Variants in NTM observed in about 807,000 individuals in gnomAD.
NTM encodes the protein neurotrimin.
Under a neutral mutation model 42.1 loss-of-function variants are expected in NTM, and 13 were observed. The ratio of observed to expected loss-of-function variants is 0.31; its 90% confidence interval spans 0.20 to 0.49. The LOEUF (loss-of-function observed/expected upper bound fraction) is 0.49. Among genes scored for constraint, NTM ranks in the 20% least tolerant of loss-of-function variants. NTM has a pLI of 0.99. For synonymous variants in NTM, 187 were observed against 179.2 expected (o/e 1.04, Z -0.35); for missense variants, 373 against 452.8 (o/e 0.82, Z 1.60).
Position 132,154,604 on chromosome 11 carries a change from G to T in NTM, c.400+8090G>T, listed in dbSNP as rs1170634982. ...CATGGTGATGATCATGGCAGAGAGG[G>T]TGAGGATGCTGCCGAGGATGAATGA... On this transcript the variant is annotated intron_variant, in intron 3 of 8. Transcript: ENST00000683400. Among the ~76,000 whole-genome samples the T allele has an allele frequency of 2.0e-5, 3 of 152,310 alleles. No homozygotes were observed. In the East Asian group the frequency reaches 5.8e-4, roughly 29 times the overall value.
intron 4 of NTM, among the ~76,000 whole-genome samples, chr11:132,305,059 A>C (rs1410430329): frequency 1.3e-5 from 2 of 152,298 alleles, no homozygotes; most frequent in Non-Finnish European, 2.9e-5. Context: ...TGTGGCACCC[A>C]TGTCCCCACA....
intron 7 of NTM, among the ~76,000 whole-genome samples, chr11:132,326,058 C>A (rs1294373439): frequency 6.6e-6 from 1 of 151,958 alleles, no homozygotes; most frequent in African/African-American, 2.4e-5. Context: ...AGGATATATA[C>A]CTAATGCTAA....
At chr11:131,512,008 G>A (rs534891850) in intron 1 of NTM, among the ~76,000 whole-genome samples, 35 of 152,200 alleles carry the variant, frequency 2.3e-4, no homozygotes, top group African/African-American at 7.7e-4. Context: ...TAGACAGATC[G>A]CCACTGATAG....
chr11:131,543,842 A>AC (rs2053592250), intron 1 of NTM, among the ~76,000 whole-genome samples: 1 of 152,202 alleles, frequency 6.6e-6, no homozygotes, highest in Non-Finnish European at 1.5e-5. Context: ...CTTCATCCTT[A>AC]TGGCAGGCAC....
intron 2 of NTM, among the ~76,000 whole-genome samples, chr11:132,048,905 G>A (rs538832776): frequency 7.3e-5 from 11 of 151,386 alleles, no homozygotes; most frequent in African/African-American, 1.5e-4. Flanking sequence ...GTGCTGGATC[G>A]GGGCTTCTGA....
At chr11:132,254,553 G>T (rs78870567) in intron 4 of NTM, among the ~76,000 whole-genome samples, 2,562 of 151,796 alleles carry the variant, frequency 0.017, 58 homozygotes, top group African/African-American at 0.05. Context: ...TCTACCGCTG[G>T]CCTTCCTTTG....
chr11:131,828,710 G>A (rs868752517), intron 1 of NTM, among the ~76,000 whole-genome samples: 1 of 151,992 alleles, frequency 6.6e-6, no homozygotes, highest in Non-Finnish European at 1.5e-5. Context: ...TTCACGGCAC[G>A]TCTCCAAACC....
At chr11:132,252,744 G>A (rs2092089113) in intron 4 of NTM, among the ~76,000 whole-genome samples, 1 of 152,180 alleles carries the variant, frequency 6.6e-6, no homozygotes, top group African/African-American at 2.4e-5. Flanking sequence ...CCGTCCATGT[G>A]CACCATGATT....
intron 3 of NTM, among the ~76,000 whole-genome samples, chr11:132,157,337 T>C (rs988741978): frequency 6.6e-6 from 1 of 152,188 alleles, no homozygotes; most frequent in Non-Finnish European, 1.5e-5. Flanking sequence ...TATTTCTTTT[T>C]AAAAAAAATC....
At chr11:131,614,690 C>T (rs897740546) in intron 1 of NTM, among the ~76,000 whole-genome samples, 14 of 152,224 alleles carry the variant, frequency 9.2e-5, no homozygotes, top group African/African-American at 3.4e-4. Flanking sequence ...TCAAAGGTCC[C>T]CTGAGTTGTA....
intron 1 of NTM, among the ~76,000 whole-genome samples, chr11:131,884,478 G>A (rs1248422267): frequency 1.3e-5 from 2 of 152,156 alleles, no homozygotes; most frequent in Non-Finnish European, 2.9e-5. Flanking sequence ...AATATTCCCA[G>A]GTCTCATAGC....
intron 1 of NTM, among the ~76,000 whole-genome samples, chr11:131,866,074 A>G (rs1183244206): frequency 8.7e-6 from 1 of 115,228 alleles, no homozygotes; most frequent in Non-Finnish European, 2.1e-5. Flanking sequence ...CACCCCACAC[A>G]CTCTCACACA....
At chr11:131,471,453 TA>T (rs1413964287) in intron 1 of NTM, among the ~76,000 whole-genome samples, 1 of 152,164 alleles carries the variant, frequency 6.6e-6, no homozygotes, top group Non-Finnish European at 1.5e-5. Context: ...TCACATGAGT[TA>T]TTTTGTTGTA....
chr11:132,039,983 GGC>G (rs1453005191), intron 2 of NTM, among the ~76,000 whole-genome samples: 2 of 151,938 alleles, frequency 1.3e-5, no homozygotes, highest in Non-Finnish European at 2.9e-5. Context: ...GGAGTGCAGT[GGC>G]GTGATCTTGG....
chr11:131,483,671 A>G (rs1466087523), intron 1 of NTM, among the ~76,000 whole-genome samples: 1 of 144,984 alleles, frequency 6.9e-6, no homozygotes, highest in Non-Finnish European at 1.5e-5. Flanking sequence ...TGGGGGAGTG[A>G]GAAAACCAGC....
At chr11:131,663,082 T>C (rs1419889895) in intron 1 of NTM, 1 of 152,134 alleles carries the variant, frequency 6.6e-6, no homozygotes, top group Non-Finnish European at 1.5e-5. Flanking sequence ...GACAAAGGTG[T>C]AGTGTTTACA....
At chr11:131,824,986 A>G (rs1335006733) in intron 1 of NTM, among the ~76,000 whole-genome samples, 1 of 152,166 alleles carries the variant, frequency 6.6e-6, no homozygotes, top group Non-Finnish European at 1.5e-5. Context: ...TGCGAAATGG[A>G]TGGACTACAA....
chr11:132,205,438 T>C (rs1425366557), intron 3 of NTM, among the ~76,000 whole-genome samples: 1 of 152,236 alleles, frequency 6.6e-6, no homozygotes, highest in Non-Finnish European at 1.5e-5. Flanking sequence ...AATACTGTTT[T>C]AATAATTATC....
At chr11:131,825,998 A>G (rs2042085168) in intron 1 of NTM, among the ~76,000 whole-genome samples, 1 of 152,202 alleles carries the variant, frequency 6.6e-6, no homozygotes, top group Non-Finnish European at 1.5e-5. Flanking sequence ...CATAAATTAA[A>G]CCATGCACAA....
Sources: gnomAD v4.1 joint callset for allele counts (sites outside exome capture counted in the v4.1 genomes callset) on GRCh38, gnomAD v4.1.1 for gene constraint, MANE v1.5 for transcripts, NCBI Gene and HGNC (gene_info 2026-07-23, HGNC 2026-07-21) for gene names.